ARHGAP39: variants seen among roughly 807,000 people sequenced by gnomAD.
ARHGAP39 encodes rho GTPase-activating protein 39.
Under a neutral mutation model 106.9 loss-of-function variants are expected in ARHGAP39, and 44 were observed. The observed-to-expected ratio is 0.41, with a 90% confidence interval of 0.32 to 0.53. The LOEUF is 0.53. ARHGAP39 is among the 20% of genes least tolerant of loss of function. The pLI, the probability that ARHGAP39 is intolerant of heterozygous loss-of-function variation, is 0.21. For synonymous variants in ARHGAP39, 768 were observed against 693.2 expected (o/e 1.11, Z -1.69); for missense variants, 1,496 against 1,577.3 (o/e 0.95, Z 0.87).
chr8:144,617,754 C>G, intron 1 of ARHGAP39, among the ~76,000 whole-genome samples: 1 of 152,152 alleles, frequency 6.6e-6, no homozygotes. Flanking sequence ...CTTTCGTCTT[C>G]TGCATTGATT....
intron 1 of ARHGAP39, among the ~76,000 whole-genome samples, chr8:144,672,024 G>C (rs958649291): frequency 6.6e-6 from 1 of 152,234 alleles, no homozygotes; most frequent in Non-Finnish European, 1.5e-5. Flanking sequence ...GTTCCTGGAC[G>C]CCGTCTGTGA....
chr8:144,655,966 A>C (rs1821682424), intron 1 of ARHGAP39, among the ~76,000 whole-genome samples: 1 of 152,224 alleles, frequency 6.6e-6, no homozygotes, highest in Admixed American at 6.5e-5. Flanking sequence ...CTAACATGCT[A>C]AATCAAACAA....
intron 1 of ARHGAP39, among the ~76,000 whole-genome samples, chr8:144,613,614 C>T (rs530777384): frequency 1.1e-4 from 16 of 143,324 alleles, no homozygotes; most frequent in Non-Finnish European, 2.3e-4. Flanking sequence ...AAAGGCCTTG[C>T]TTTTTTTTTT....
chr8:144,642,774 T>A (rs1821345639), intron 1 of ARHGAP39, among the ~76,000 whole-genome samples: 1 of 152,184 alleles, frequency 6.6e-6, no homozygotes, highest in Non-Finnish European at 1.5e-5. Context: ...CCTCCCCAAC[T>A]GTGTTGAACT....
Position 144,646,796 on chromosome 8 carries a change from T to C in ARHGAP39, c.-82+38890A>G, listed in dbSNP as rs1821454604. 6.6e-6 allele frequency among the ~76,000 whole-genome samples: 1 copy of C among 152,152 alleles called. No individual in the cohort carries two copies. The highest frequency in any genetic ancestry group is 2.4e-5 in the African/African-American group (1 of 41,442). ...TCCAAGCGGGCCATGGCCCTGGCAC[T>C]GCACGTGAGGAAACAAGGCCTTGGG... On this transcript the variant is annotated intron_variant, in intron 1 of 11. Transcript: ENST00000377307. This position sits in a 1 kb window ranked among gnomAD's most constrained non-coding sequence, Gnocchi z 5.7.
At chr8:144,659,250 G>C (rs536888979) in intron 1 of ARHGAP39, among the ~76,000 whole-genome samples, 3 of 152,150 alleles carry the variant, frequency 2.0e-5, no homozygotes, top group South Asian at 4.1e-4. Context: ...ATGCTGACCA[G>C]AGCCATTAGC....
At chr8:144,611,153 CTTT>C (rs1820477655) in intron 1 of ARHGAP39, among the ~76,000 whole-genome samples, 1 of 152,216 alleles carries the variant, frequency 6.6e-6, no homozygotes, top group African/African-American at 2.4e-5. Context: ...TTGATTTCTT[CTTT>C]GACTAATGGA....
At chr8:144,574,966 C>T (rs1268204747) in intron 3 of ARHGAP39, among the ~76,000 whole-genome samples, 1 of 152,228 alleles carries the variant, frequency 6.6e-6, no homozygotes. Flanking sequence ...GTAAGGCCTG[C>T]TACACACCCA....
chr8:144,633,420 C>T (rs1007509885), intron 1 of ARHGAP39, among the ~76,000 whole-genome samples: 4 of 152,086 alleles, frequency 2.6e-5, no homozygotes, highest in Non-Finnish European at 5.9e-5. Flanking sequence ...GATCATGCCA[C>T]TGCACTCCAG....
Position 144,679,377 on chromosome 8 carries a change from A to G in ARHGAP39, c.-82+6309T>C, listed in dbSNP as rs1410823755. Among the ~76,000 whole-genome samples, 1 of 151,772 alleles carries G rather than the reference A, an allele frequency of 6.6e-6. No homozygotes were observed. The highest frequency in any genetic ancestry group is 1.5e-5 in the Non-Finnish European group (1 of 67,920). On this transcript the variant is annotated intron_variant, in intron 1 of 11. Coordinates refer to ENST00000377307, the MANE Select transcript of ARHGAP39 (RefSeq NM_025251.3). The surrounding 1 kb of genome is among the most constrained non-coding windows in gnomAD (Gnocchi z 4.7). The stretch of plus-strand genomic sequence containing the variant: ...CCGGAAAAGACACTAGGTTTCTGCC[A>G]CTCTCTTGCCATAAAAACAGCATGT...
the ARHGAP39 span, among the ~76,000 whole-genome samples, chr8:144,691,412 A>G: frequency 6.6e-6 from 1 of 152,174 alleles, no homozygotes; most frequent in African/African-American, 2.4e-5. Flanking sequence ...TGTGAGAAAC[A>G]AACTCACCCG....
intron 1 of ARHGAP39, among the ~76,000 whole-genome samples, chr8:144,655,651 T>A (rs1033046637): frequency 5.3e-5 from 8 of 152,090 alleles, no homozygotes; most frequent in African/African-American, 1.9e-4. Context: ...CCACTGCAGG[T>A]CTCCTCTGAG....
intron 1 of ARHGAP39, among the ~76,000 whole-genome samples, chr8:144,660,412 T>C (rs1442454443): frequency 6.6e-6 from 1 of 152,242 alleles, no homozygotes; most frequent in Non-Finnish European, 1.5e-5. Context: ...TTCATCGTGA[T>C]AAGCATTCAC....
At position 144,684,155 on chromosome 8, in the gene ARHGAP39, C is replaced by T. The variant is rs921661938; in HGVS notation, c.-82+1531G>A. 1.3e-5 allele frequency among the ~76,000 whole-genome samples: 2 copies of T among 152,226 alleles called. No homozygotes were observed. Among genetic ancestry groups the T allele is most frequent in the Admixed American group, 6.5e-5 (1 of 15,284 alleles). ...TCTGCTCCCCTGCCTCTCAGGAAGA[C>T]AGCTGGCTACACCAAGTGCAGGGAG... On this transcript the variant is annotated intron_variant, in intron 1 of 11. Transcript: ENST00000377307. The surrounding 1 kb of genome is among the most constrained non-coding windows in gnomAD (Gnocchi z 4.4).
At chr8:144,699,594 G>A in the ARHGAP39 span, among the ~76,000 whole-genome samples, 1 of 145,316 alleles carries the variant, frequency 6.9e-6, no homozygotes, top group Non-Finnish European at 1.5e-5. Context: ...CTGGGGGCAC[G>A]GAGGGGAGGC....
chr8:144,631,403 C>A (rs895148746), intron 1 of ARHGAP39, among the ~76,000 whole-genome samples: 3 of 152,256 alleles, frequency 2.0e-5, no homozygotes, highest in Admixed American at 2.0e-4. Flanking sequence ...AGTTCTCATT[C>A]CCGCCATCAC....
In ARHGAP39 at chr8:144,530,390, C is replaced by G; in HGVS notation, c.*32G>C. The G allele has an allele frequency of 6.4e-7, 1 of 1,560,126 alleles. No individual in the cohort carries two copies. Among genetic ancestry groups the G allele is most frequent in the Non-Finnish European group, 8.7e-7 (1 of 1,148,432 alleles). On this transcript the variant is annotated 3_prime_UTR_variant, in exon 12 of 12. Coordinates refer to ENST00000377307, the MANE Select transcript of ARHGAP39 (RefSeq NM_025251.3). ...CGGAGTTCGGCCTGGCTGGGGGCGG[C>G]AGGACATCCCTCCTGTCCCCGGGCG...
intron 1 of ARHGAP39, among the ~76,000 whole-genome samples, chr8:144,672,996 C>G (rs1386447351): frequency 1.3e-5 from 2 of 152,144 alleles, no homozygotes; most frequent in African/African-American, 4.8e-5. Flanking sequence ...GCGGGAGGAT[C>G]ACTTGAGCCC....
At chr8:144,602,634 G>A (rs772280330) in intron 2 of ARHGAP39, among the ~76,000 whole-genome samples, 1 of 55,134 alleles carries the variant, frequency 1.8e-5, no homozygotes, top group African/African-American at 3.7e-5. Context: ...GCGTGGAGGC[G>A]TGTGTGTGCT....
Sources: gnomAD v4.1 joint callset for allele counts (sites outside exome capture counted in the v4.1 genomes callset) on GRCh38, gnomAD v4.1.1 for gene constraint, Gnocchi (gnomAD v3.1) non-coding constraint, MANE v1.5 for transcripts, NCBI Gene and HGNC (gene_info 2026-07-23, HGNC 2026-07-21) for gene names.